The following GRID1 variants were observed in gnomAD, a reference collection of about 807,000 sequenced individuals.
GRID1 encodes the protein glutamate receptor ionotropic, delta-1.
A neutral mutation model predicts 98.0 loss-of-function variants in GRID1; 28 were observed. The ratio of observed to expected loss-of-function variants is 0.29; its 90% CI spans 0.21 to 0.39. The LOEUF (loss-of-function observed/expected upper bound fraction) is 0.39, where lower values mean the gene tolerates loss of function less well. Among genes scored for constraint, GRID1 ranks in the 10% least tolerant of loss-of-function variants. The pLI is 1.00. For synonymous variants in GRID1, 553 were observed against 538.5 expected (o/e 1.03, Z -0.37); for missense variants, 1,111 against 1,340.5 (o/e 0.83, Z 2.67).
At chr10:85,722,835 T>G (rs1332319870) in intron 12 of GRID1, among the ~76,000 whole-genome samples, 168 bp downstream of exon 12, 1 of 152,182 alleles carries the variant, frequency 6.6e-6, no homozygotes. Flanking sequence ...GTGCCTGAGA[T>G]AAAATACAAC....
At chr10:86,310,859 C>T (rs1490613307) in intron 2 of GRID1, among the ~76,000 whole-genome samples, 2 of 152,174 alleles carry the variant, frequency 1.3e-5, no homozygotes, top group Non-Finnish European at 1.5e-5. Flanking sequence ...TAACACCATG[C>T]AGCAGTCTGT....
intron 8 of GRID1, among the ~76,000 whole-genome samples, chr10:85,801,238 A>G (rs1842574178): frequency 6.6e-6 from 1 of 151,972 alleles, no homozygotes; most frequent in Non-Finnish European, 1.5e-5. Context: ...AAAAAAATTA[A>G]AAGAATTAAA....
intron 4 of GRID1, among the ~76,000 whole-genome samples, chr10:85,945,905 G>A (rs142806514): frequency 2.4e-4 from 37 of 152,230 alleles, no homozygotes; most frequent in Middle Eastern, 3.4e-3. Flanking sequence ...AAATATTTCC[G>A]ACCATTCATT....
chr10:85,684,452 A>G (rs1181168603), intron 12 of GRID1, among the ~76,000 whole-genome samples: 1 of 152,170 alleles, frequency 6.6e-6, no homozygotes, highest in Non-Finnish European at 1.5e-5. Context: ...TATCTATGTA[A>G]TTTGTTATAT....
At chr10:86,158,556 A>C (rs1845277880) in intron 3 of GRID1, among the ~76,000 whole-genome samples, 1 of 152,240 alleles carries the variant, frequency 6.6e-6, no homozygotes, top group South Asian at 2.1e-4. Flanking sequence ...TCCCAGACCA[A>C]AACAAGCACA....
At chr10:86,082,157 A>C (rs2131931125) in intron 4 of GRID1, among the ~76,000 whole-genome samples, 1 of 152,356 alleles carries the variant, frequency 6.6e-6, no homozygotes, top group East Asian at 1.9e-4. Context: ...AAACTGCTTT[A>C]AAAAGTAAAG....
intron 2 of GRID1, among the ~76,000 whole-genome samples, chr10:86,319,104 A>T (rs1337091896): frequency 6.6e-6 from 1 of 152,162 alleles, no homozygotes; most frequent in Non-Finnish European, 1.5e-5. Flanking sequence ...AGGCTGGACC[A>T]TACCTGGGGT....
chr10:86,121,323 C>A (rs971999013), intron 4 of GRID1, among the ~76,000 whole-genome samples: 7 of 149,914 alleles, frequency 4.7e-5, no homozygotes, highest in African/African-American at 7.4e-5. Context: ...ATCATCACCA[C>A]ATCACCATCA....
chr10:86,329,624 C>G (rs376390172), intron 2 of GRID1, among the ~76,000 whole-genome samples: 2 of 152,190 alleles, frequency 1.3e-5, no homozygotes, highest in East Asian at 1.9e-4. Context: ...TCCCCTGGTC[C>G]ACACTCACTG....
intron 8 of GRID1, among the ~76,000 whole-genome samples, chr10:85,829,123 C>T (rs1362431951): frequency 6.6e-6 from 1 of 152,072 alleles, no homozygotes; most frequent in Admixed American, 6.6e-5. Context: ...AATGGGTAGG[C>T]TTTATCTCTG....
chr10:86,225,332 A>G (rs1014207057), intron 2 of GRID1, among the ~76,000 whole-genome samples: 2 of 152,236 alleles, frequency 1.3e-5, no homozygotes, highest in Non-Finnish European at 2.9e-5. Context: ...TGAGCTCAGC[A>G]CTTTTTTGCC....
intron 4 of GRID1, among the ~76,000 whole-genome samples, chr10:86,042,485 G>A (rs1843360721): frequency 6.6e-6 from 1 of 152,214 alleles, no homozygotes; most frequent in East Asian, 1.9e-4. Context: ...CCAGGACCAA[G>A]GGGAGAGCAG....
At chr10:85,978,568 C>T (rs1842503913) in intron 4 of GRID1, among the ~76,000 whole-genome samples, 1 of 151,996 alleles carries the variant, frequency 6.6e-6, no homozygotes, top group Admixed American at 6.5e-5. Context: ...TCCCTAAATT[C>T]TGAAAGAGGT....
intron 4 of GRID1, among the ~76,000 whole-genome samples, chr10:86,028,247 C>T (rs1843141314): frequency 6.6e-6 from 1 of 152,224 alleles, no homozygotes; most frequent in African/African-American, 2.4e-5. Flanking sequence ...CTGTGCACTA[C>T]AGCAGCTGTG....
At position 86,173,663 on chromosome 10, in the gene GRID1, G is replaced by A. The variant is rs1304377287; in HGVS notation, c.520+32701C>T. 2.0e-5 allele frequency among the ~76,000 whole-genome samples: 3 copies of A among 151,608 alleles called. No homozygotes were observed. In the East Asian group the frequency reaches 5.8e-4, roughly 29 times the overall value. The stretch of plus-strand genomic sequence containing the variant: ...ATATGTATACATGTGCCATGCTGGT[G>A]TGCTGCACCCATTAACTCGTCATTT... On this transcript the variant is annotated intron_variant, in intron 3 of 15. Coordinates refer to ENST00000327946, the MANE Select transcript of GRID1 (RefSeq NM_017551.3).
chr10:85,821,516 CAAAAAAAAAAA>C lies in GRID1; in HGVS notation c.1233+32969_1233+32979del, dbSNP rs1157209045. Among the ~76,000 whole-genome samples the C allele has an allele frequency of 9.4e-3, 86 of 9,112 alleles. 1 individual carries two copies. Among genetic ancestry groups the C allele is most frequent in the Non-Finnish European group, 0.02 (72 of 3,692 alleles). 6.0% of individuals were successfully genotyped at this position (9,112 alleles called of 152,430 possible). A position where few individuals can be genotyped will look rare whatever the true frequency, so the allele number is the denominator to read the frequency against. ...TGGGTGACAGAGCAAGACTTCATCT[CAAAAAAAAAAA>C]AAAAAAAAAAAAAAAAAAGAAAACA... On this transcript the variant is annotated intron_variant, in intron 8 of 15. Transcript: ENST00000327946.
intron 4 of GRID1, among the ~76,000 whole-genome samples, chr10:85,959,111 G>A (rs1589314015): frequency 2.0e-5 from 3 of 152,186 alleles, no homozygotes; most frequent in South Asian, 2.1e-4. Context: ...AACTGACACC[G>A]CTGGCTCTCC....
At chr10:85,877,868 T>G (rs904561075) in intron 5 of GRID1, among the ~76,000 whole-genome samples, 1 of 151,998 alleles carries the variant, frequency 6.6e-6, no homozygotes, top group African/African-American at 2.4e-5. Context: ...AGTTAGAAAC[T>G]TCAAAAAAAA....
chr10:85,933,523 T>C (rs570571585), intron 4 of GRID1, among the ~76,000 whole-genome samples: 144 of 152,278 alleles, frequency 9.5e-4, no homozygotes, highest in Admixed American at 3.0e-3. Context: ...TTTGGAAAGG[T>C]GGACCTTCTG....
Sources: allele counts gnomAD v4.1 joint callset (sites outside exome capture counted in the v4.1 genomes callset), GRCh38; gene constraint gnomAD v4.1.1; transcripts MANE v1.5; gene names NCBI Gene and HGNC (gene_info 2026-07-23, HGNC 2026-07-21).